Variants in CDH12 observed in about 807,000 individuals in gnomAD.
CDH12 encodes the protein cadherin 12, also known as cadherin-12.
In CDH12, 41 loss-of-function variants were observed where a neutral mutation model predicts 74.1. The observed-to-expected ratio is 0.55, with a 90% CI of 0.43 to 0.72. CDH12 has a LOEUF of 0.72. Ranked by LOEUF, CDH12 falls within the 30% of genes least tolerant of loss-of-function variation. The pLI is 0.00. For missense variants in CDH12, 945 were observed against 977.2 expected (o/e 0.97, Z 0.44); for synonymous variants, 399 against 355.0 (o/e 1.12, Z -1.39).
intron 2 of CDH12, among the ~76,000 whole-genome samples, chr5:22,504,756 G>T (rs1451487966): frequency 6.6e-6 from 1 of 152,032 alleles, no homozygotes; most frequent in Non-Finnish European, 1.5e-5. Flanking sequence ...GAACCAGTTT[G>T]TGCCATATCA....
chr5:21,860,030 A>G (rs1290051598), intron 6 of CDH12, among the ~76,000 whole-genome samples: 1 of 151,840 alleles, frequency 6.6e-6, no homozygotes, highest in Non-Finnish European at 1.5e-5. Flanking sequence ...AAAAAACATG[A>G]CCTGCTGAGG....
At chr5:22,600,410 T>C (rs1169198267) in intron 1 of CDH12, among the ~76,000 whole-genome samples, 1 of 152,180 alleles carries the variant, frequency 6.6e-6, no homozygotes, top group Non-Finnish European at 1.5e-5. Flanking sequence ...CGTATGTATC[T>C]CTAGTTTTAG....
chr5:22,423,950 C>A (rs1381686040), intron 2 of CDH12, among the ~76,000 whole-genome samples: 13 of 138,614 alleles, frequency 9.4e-5, no homozygotes, highest in African/African-American at 3.6e-4. Flanking sequence ...TTGCAGTGAG[C>A]CGAGATCCCG....
intron 3 of CDH12, among the ~76,000 whole-genome samples, chr5:22,337,953 C>T (rs909154243): frequency 6.6e-6 from 1 of 152,092 alleles, no homozygotes; most frequent in African/African-American, 2.4e-5. Context: ...GAAAGGAAAC[C>T]TTTGTACACT....
intron 1 of CDH12, among the ~76,000 whole-genome samples, chr5:22,815,935 G>T (rs527541510): frequency 6.6e-6 from 1 of 151,940 alleles, no homozygotes; most frequent in East Asian, 1.9e-4. Context: ...TATGTTCTAG[G>T]TTTGAAAAAA....
At chr5:22,083,315 A>T (rs145022032) in intron 4 of CDH12, among the ~76,000 whole-genome samples, 7 of 152,282 alleles carry the variant, frequency 4.6e-5, no homozygotes, top group African/African-American at 1.4e-4. Context: ...CAAACTCCTT[A>T]GTTTTAACTC....
intron 5 of CDH12, among the ~76,000 whole-genome samples, chr5:22,037,298 G>A (rs1202570700): frequency 6.6e-6 from 1 of 152,154 alleles, no homozygotes; most frequent in African/African-American, 2.4e-5. Context: ...GGTTGTCAGA[G>A]GGGCCTGAGC....
chr5:22,123,810 A>T (rs1745665130), intron 4 of CDH12, among the ~76,000 whole-genome samples: 1 of 152,192 alleles, frequency 6.6e-6, no homozygotes. Flanking sequence ...TGTCTTGGTC[A>T]GACAAGGTCA....
intron 9 of CDH12, among the ~76,000 whole-genome samples, chr5:21,810,958 G>A (rs1747714117): frequency 6.6e-6 from 1 of 152,078 alleles, no homozygotes; most frequent in Non-Finnish European, 1.5e-5. Context: ...AAGAAAAAGA[G>A]TTTTACTGAT....
intron 8 of CDH12, among the ~76,000 whole-genome samples, chr5:21,839,191 C>T (rs1293931087): frequency 6.6e-6 from 1 of 152,060 alleles, no homozygotes. Flanking sequence ...TTAGTCACAC[C>T]ATATATTAGA....
intron 1 of CDH12, among the ~76,000 whole-genome samples, chr5:22,693,200 G>C (rs774845083): frequency 6.6e-6 from 1 of 152,082 alleles, no homozygotes; most frequent in South Asian, 2.1e-4. Flanking sequence ...CATGTCTTAT[G>C]ACGGTTCTAT....
intron 2 of CDH12, among the ~76,000 whole-genome samples, chr5:22,440,051 A>C (rs566974259): frequency 6.6e-6 from 1 of 152,224 alleles, no homozygotes; most frequent in African/African-American, 2.4e-5. Context: ...AGAAGCTAAA[A>C]CCCATATCAC....
At chr5:21,806,353 G>C (rs1747426543) in intron 9 of CDH12, among the ~76,000 whole-genome samples, 1 of 152,072 alleles carries the variant, frequency 6.6e-6, no homozygotes, top group Non-Finnish European at 1.5e-5. Flanking sequence ...GCCAATGAGA[G>C]CCTGACAATT....
At chr5:22,123,948 A>G (rs964241475) in intron 4 of CDH12, among the ~76,000 whole-genome samples, 1 of 151,228 alleles carries the variant, frequency 6.6e-6, no homozygotes, top group African/African-American at 2.4e-5. Context: ...AAGTTTTGTA[A>G]TTTTTTTATT....
At chr5:21,812,700 G>A (rs1326639331) in intron 9 of CDH12, among the ~76,000 whole-genome samples, 1 of 152,054 alleles carries the variant, frequency 6.6e-6, no homozygotes, top group Non-Finnish European at 1.5e-5. Flanking sequence ...GTACATGTGT[G>A]CATATAAACA....
intron 5 of CDH12, among the ~76,000 whole-genome samples, chr5:22,038,941 G>A (rs1398621046): frequency 1.3e-5 from 2 of 152,092 alleles, no homozygotes; most frequent in East Asian, 3.9e-4. Context: ...TGGCTTCCTA[G>A]ACTCTGAGAT....
intron 1 of CDH12, among the ~76,000 whole-genome samples, chr5:22,831,227 G>T (rs971333431): frequency 4.6e-5 from 7 of 152,032 alleles, no homozygotes. Context: ...GAGAACTCAA[G>T]AAAAGTTTTC....
At chr5:21,940,440 A>T (rs1362025641) in intron 6 of CDH12, among the ~76,000 whole-genome samples, 2 of 152,206 alleles carry the variant, frequency 1.3e-5, no homozygotes, top group Non-Finnish European at 2.9e-5. Context: ...TTGTGGAAAT[A>T]CTACTAAATT....
chr5:22,789,054 G>A (rs1369345506), intron 1 of CDH12, among the ~76,000 whole-genome samples: 1 of 151,876 alleles, frequency 6.6e-6, no homozygotes, highest in Non-Finnish European at 1.5e-5. Flanking sequence ...ATGAATAAAG[G>A]AATATCATAG....
Sources: allele counts gnomAD v4.1 joint callset (sites outside exome capture counted in the v4.1 genomes callset), GRCh38; gene constraint gnomAD v4.1.1; transcripts MANE v1.5; gene names NCBI Gene and HGNC (gene_info 2026-07-23, HGNC 2026-07-21).